The following TMCO6 variants were observed in gnomAD, a reference collection of about 807,000 sequenced individuals.
The protein encoded by TMCO6 is transmembrane and coiled-coil domains 6, also known as transmembrane and coiled-coil domain-containing protein 6.
In TMCO6, 47 loss-of-function variants were observed where a neutral mutation model predicts 61.8. The observed-to-expected ratio is 0.76, with a 90% confidence interval of 0.60 to 0.97. The LOEUF is 0.97. Among genes scored for constraint, TMCO6 ranks in the 50% least tolerant of loss-of-function variants. The pLI, the probability that TMCO6 is intolerant of heterozygous loss-of-function variation, is 0.00. For missense variants in TMCO6, 557 were observed against 601.6 expected, an observed-to-expected ratio of 0.93 and a Z score of 0.78; for synonymous variants, 261 against 254.2, an observed-to-expected ratio of 1.03 and a Z score of -0.25.
chr5:140,629,691 T>C, the TMCO6 span, among the ~76,000 whole-genome samples: 1 of 152,254 alleles, frequency 6.6e-6, no homozygotes, highest in Non-Finnish European at 1.5e-5. Context: ...CCCAGCACTT[T>C]GGGAGCCCGA....
At chr5:140,626,478 G>A in the TMCO6 span, among the ~76,000 whole-genome samples, 3 of 151,944 alleles carry the variant, frequency 2.0e-5, no homozygotes, top group South Asian at 6.2e-4. Flanking sequence ...TCAGCTTACT[G>A]TAACTTCTGC....
chr5:140,634,551 T>C (rs1266546323), upstream of TMCO6, among the ~76,000 whole-genome samples: 1 of 147,926 alleles, frequency 6.8e-6, no homozygotes, highest in African/African-American at 2.5e-5. Flanking sequence ...AGTGGCGTGA[T>C]CTTGGCTCAC....
chr5:140,632,609 GTCCTCGAGCGTCAGT>G, the TMCO6 span: 1 of 1,613,838 alleles, frequency 6.2e-7, no homozygotes, highest in African/African-American at 1.3e-5. The surrounding 1 kb of genome is among the most constrained non-coding windows in gnomAD (Gnocchi z 6.2). Context: ...TTATCTTTAG[GTCCTCGAGCGTCAGT>G]TCCTTGAGGC....
chr5:140,637,994 T>TCTTC (rs1010215671), upstream of TMCO6, among the ~76,000 whole-genome samples: 5 of 146,528 alleles, frequency 3.4e-5, no homozygotes, highest in East Asian at 3.9e-4. Context: ...TTTCTTTCTT[T>TCTTC]CTTCCTTCCT....
chr5:140,598,037 C>T, the TMCO6 span, among the ~76,000 whole-genome samples: 10 of 152,234 alleles, frequency 6.6e-5, no homozygotes, highest in African/African-American at 2.4e-4. Flanking sequence ...CTCAACCCCT[C>T]TCCCCTAGAT....
Position 140,644,739 on chromosome 5 carries a change from AG to A in TMCO6, c.1368+1del. On this transcript the variant is annotated frameshift_variant and splice_region_variant, in exon 11 of 12. Coordinates refer to ENST00000394671, the MANE Select transcript of TMCO6 (RefSeq NM_018502.5). LOFTEE classifies it high-confidence loss of function. ...LLHLLFLYQP[E>X]AVQVFLQQSG... ...CATCTGCTGTTCCTGTATCAGCCAGAGGTATAGGTTTCTGGCCCACATCCTC... is the reference window on the plus strand; with the variant it reads ...CATCTGCTGTTCCTGTATCAGCCAGAGTATAGGTTTCTGGCCCACATCCTC... 1 of 1,614,090 alleles carries A rather than the reference AG, an allele frequency of 6.2e-7. No homozygotes were observed. Among genetic ancestry groups the A allele is most frequent in the Non-Finnish European group, 8.5e-7 (1 of 1,179,996 alleles).
the TMCO6 span, among the ~76,000 whole-genome samples, chr5:140,630,211 C>G: frequency 6.6e-6 from 1 of 151,978 alleles, no homozygotes; most frequent in African/African-American, 2.4e-5. Context: ...CCAGGGTGGA[C>G]TCGATCTCTT....
chr5:140,633,061 A>T, the TMCO6 span: 1 of 1,614,030 alleles, frequency 6.2e-7, no homozygotes, highest in South Asian at 1.1e-5. Flanking sequence ...CCAAGACCCT[A>T]CACTCACCAT....
At chr5:140,596,790 G>A in the TMCO6 span, among the ~76,000 whole-genome samples, 3 of 152,196 alleles carry the variant, frequency 2.0e-5, no homozygotes, top group Admixed American at 6.5e-5. Context: ...CGCAAGTGGA[G>A]TATGTACAAA....
At chr5:140,642,209 G>C (rs1192650539) in intron 4 of TMCO6, 106 bp from the exon 5 acceptor site, 2 of 1,382,554 alleles carry the variant, frequency 1.4e-6, no homozygotes, top group East Asian at 2.3e-5. Flanking sequence ...CTTGTGAGCC[G>C]CAAGGATAGC....
the TMCO6 span, among the ~76,000 whole-genome samples, chr5:140,607,359 C>A: frequency 9.9e-5 from 15 of 152,182 alleles, no homozygotes; most frequent in African/African-American, 3.6e-4. Context: ...TATGTTGTAA[C>A]ATGTATCAGA....
the TMCO6 span, among the ~76,000 whole-genome samples, chr5:140,610,479 A>C: frequency 6.6e-6 from 1 of 152,208 alleles, no homozygotes; most frequent in Non-Finnish European, 1.5e-5. Context: ...GATTACAGGC[A>C]TGAGCTACCA....
Position 140,642,683 on chromosome 5 carries a change from T to C in TMCO6, c.689+12T>C, listed in dbSNP as rs534948938. On this transcript the variant is annotated intron_variant, in intron 6 of 11. Transcript: ENST00000394671. ...GAGAAGATCATTCCGTGAGTAAAAT[T>C]GTCTTTAGATGTGCAGCCAGAGGTG... The C allele has an allele frequency of 1.9e-6, 3 of 1,613,906 alleles. No homozygotes were observed. In the East Asian group the frequency reaches 6.7e-5, roughly 36 times the overall value.
chr5:140,641,786 T>G lies in TMCO6; in HGVS notation c.314+6T>G, dbSNP rs774584277. On this transcript the variant is annotated splice_donor_region_variant and intron_variant, in intron 3 of 11. Coordinates refer to ENST00000394671, the MANE Select transcript of TMCO6 (RefSeq NM_018502.5). ...ACACAGCAAACCTTCATCCGGTCAGTGTGGATGGTGTGGTGGAGGGAGGAG... is the reference window on the plus strand; with the variant it reads ...ACACAGCAAACCTTCATCCGGTCAGGGTGGATGGTGTGGTGGAGGGAGGAG... 8 of 1,614,134 alleles carry G rather than the reference T, an allele frequency of 5.0e-6. No homozygotes were observed. Among genetic ancestry groups the G allele is most frequent in the Non-Finnish European group, 5.9e-6 (7 of 1,180,002 alleles).
chr5:140,609,332 G>A, the TMCO6 span: 1 of 249,288 alleles, frequency 4.0e-6, no homozygotes, highest in South Asian at 4.6e-5. Context: ...ACACATCTGT[G>A]CCAACAGGAA....
the TMCO6 span, among the ~76,000 whole-genome samples, chr5:140,630,058 T>C: frequency 3.3e-5 from 5 of 151,400 alleles, no homozygotes; most frequent in Admixed American, 1.3e-4. Context: ...GGCGTGATCT[T>C]GGCTCACTGC....
the TMCO6 span, among the ~76,000 whole-genome samples, chr5:140,613,716 T>A: frequency 1.3e-5 from 2 of 152,064 alleles, no homozygotes; most frequent in African/African-American, 4.8e-5. Flanking sequence ...TTATTATTAT[T>A]ATTTTTATTT....
At chr5:140,601,451 A>G in the TMCO6 span, among the ~76,000 whole-genome samples, 2 of 152,246 alleles carry the variant, frequency 1.3e-5, no homozygotes, top group Non-Finnish European at 2.9e-5. Context: ...ATATTTGTCC[A>G]GGGCCCTTCA....
At chr5:140,632,245 C>A in the TMCO6 span, 1 of 1,613,596 alleles carries the variant, frequency 6.2e-7, no homozygotes, top group Non-Finnish European at 8.5e-7. The surrounding 1 kb of genome is among the most constrained non-coding windows in gnomAD (Gnocchi z 6.2). Context: ...TGCACACCTG[C>A]CGCCGCCAGT....
Sources: allele counts gnomAD v4.1 joint callset (sites outside exome capture counted in the v4.1 genomes callset), GRCh38; gene constraint gnomAD v4.1.1; non-coding constraint Gnocchi (gnomAD v3.1); transcripts MANE v1.5; gene names NCBI Gene and HGNC (gene_info 2026-07-23, HGNC 2026-07-21).